SLC6A6: variants seen among roughly 807,000 people sequenced by gnomAD.
SLC6A6 encodes solute carrier family 6 member 6.
In SLC6A6, 16 loss-of-function variants were observed where a neutral mutation model predicts 68.8. The ratio of observed to expected loss-of-function variants is 0.23; its 90% CI spans 0.16 to 0.35. The LOEUF (loss-of-function observed/expected upper bound fraction) is 0.35, where lower values mean the gene tolerates loss of function less well. Among genes scored for constraint, SLC6A6 ranks in the 10% least tolerant of loss-of-function variants. The probability of loss-of-function intolerance (pLI) is 1.00; values close to 1 mark genes in which losing one functional copy is unlikely to be tolerated. For missense variants in SLC6A6, 474 were observed against 802.8 expected (o/e 0.59, Z 4.95); for synonymous variants, 312 against 315.4 (o/e 0.99, Z 0.12).
chr3:14,472,871 G>C lies in SLC6A6; in HGVS notation c.1209+554G>C, dbSNP rs1234084543. Among the ~76,000 whole-genome samples, 1 of 152,244 alleles carries C rather than the reference G, an allele frequency of 6.6e-6. No homozygotes were observed. The highest frequency in any genetic ancestry group is 1.9e-4 in the East Asian group (1 of 5,194). On this transcript the variant is annotated intron_variant, in intron 10 of 14. Transcript: ENST00000622186. The surrounding 1 kb of genome is among the most constrained non-coding windows in gnomAD (Gnocchi z 4.5). ...CTCCCTGGAGCGTGCGAGGGGCTGG[G>C]CATTGGCTCCCTCCCGTGCTTTATA...
At chr3:14,466,700 C>A (rs374302601) in intron 7 of SLC6A6, 50 bp downstream of exon 7, 1 of 1,556,578 alleles carries the variant, frequency 6.4e-7, no homozygotes, top group South Asian at 1.1e-5. Flanking sequence ...AGGGCTGGGC[C>A]GGCACAGGAC....
chr3:14,436,262 A>G (rs1051472689), intron 2 of SLC6A6, among the ~76,000 whole-genome samples: 3 of 152,128 alleles, frequency 2.0e-5, no homozygotes, highest in African/African-American at 7.2e-5. Flanking sequence ...GTGAGGTGGC[A>G]TGATCACAAC....
intron 5 of SLC6A6, among the ~76,000 whole-genome samples, chr3:14,455,367 T>C (rs893209549): frequency 2.6e-5 from 4 of 152,248 alleles, no homozygotes; most frequent in Admixed American, 6.5e-5. Flanking sequence ...TTAGATGAGC[T>C]GGCTGCAGGC....
chr3:14,478,809 A>C, intron 12 of SLC6A6: 1 of 591,508 alleles, frequency 1.7e-6, no homozygotes, highest in Non-Finnish European at 3.0e-6. Context: ...GACCTGGAAT[A>C]CTCCTTTTTT....
intron 2 of SLC6A6, among the ~76,000 whole-genome samples, chr3:14,438,055 GGCTGGTCTTGAACTCCTGACCTCAA>G (rs1699900423): frequency 6.8e-6 from 1 of 147,146 alleles, no homozygotes; most frequent in Non-Finnish European, 1.5e-5. Context: ...ATGTTGGCCA[GGCTGGTCTTGAACTCCTGACCTCAA>G]GTGATCTGCC....
At chr3:14,473,869 A>T (rs998612129) in intron 10 of SLC6A6, among the ~76,000 whole-genome samples, 2 of 152,206 alleles carry the variant, frequency 1.3e-5, no homozygotes, top group Non-Finnish European at 2.9e-5. Context: ...AAGGCATGAC[A>T]TCTTCATGGG....
intron 5 of SLC6A6, chr3:14,448,133 C>T (rs1174607353): frequency 7.9e-6 from 8 of 1,015,218 alleles, no homozygotes; most frequent in Non-Finnish European, 7.5e-6. Flanking sequence ...AAAAATGATA[C>T]AGTTTTCTTA....
chr3:14,409,860 G>T (rs1699203852), intron 1 of SLC6A6, among the ~76,000 whole-genome samples: 1 of 152,198 alleles, frequency 6.6e-6, no homozygotes, highest in East Asian at 1.9e-4. Context: ...CCCAAAGGAG[G>T]CACTTATCAA....
intron 2 of SLC6A6, among the ~76,000 whole-genome samples, chr3:14,440,335 G>A (rs140096561): frequency 8.9e-4 from 135 of 152,138 alleles, no homozygotes; most frequent in African/African-American, 3.2e-3. Context: ...GGGAGCCAGG[G>A]GGCTTTTTAT....
rs1701153281 is a variant in SLC6A6, at chr3:14,486,087, G to A, written c.*1080G>A. ...TGCAGGAATGAAGCATGACATACCT[G>A]TTGAGGGACTAGGGGAGTGGTGGGG... On this transcript the variant is annotated 3_prime_UTR_variant, in exon 15 of 15. Coordinates refer to ENST00000622186, the MANE Select transcript of SLC6A6 (RefSeq NM_003043.6). The A allele has an allele frequency of 6.5e-6, 1 of 152,730 alleles. No individual in the cohort carries two copies. The highest frequency in any genetic ancestry group is 6.5e-5 in the Admixed American group (1 of 15,296). The allele number at this position is 152,730 out of a possible 1,614,324, so 9.5% of individuals were successfully genotyped here. A position where few individuals can be genotyped will look rare whatever the true frequency, so the allele number is the denominator to read the frequency against.
rs190503783 is a variant in SLC6A6, at chr3:14,417,380, T to C, written c.-12+927T>C. 1.5e-4 allele frequency among the ~76,000 whole-genome samples: 23 copies of C among 152,242 alleles called. 1 individual carries two copies. The highest frequency in any genetic ancestry group is 1.5e-3 in the Admixed American group (23 of 15,300). On this transcript the variant is annotated intron_variant, in intron 2 of 14. Transcript: ENST00000622186. ...ACATTCTTCCATTTTTGCTGAATCA[T>C]TGGGGAGTAAATTGCAGGCATGATG...
At chr3:14,479,961 T>C (rs554636880) in intron 13 of SLC6A6, among the ~76,000 whole-genome samples, 1 of 152,198 alleles carries the variant, frequency 6.6e-6, no homozygotes, top group African/African-American at 2.4e-5. Flanking sequence ...TGGCCCAATA[T>C]TCCTTGGATT....
rs372143480 is a variant in SLC6A6, at chr3:14,456,584, A to G, written c.600-1366A>G. 1.1e-3 allele frequency among the ~76,000 whole-genome samples: 161 copies of G among 152,338 alleles called. 5 individuals carry two copies. The South Asian group carries it at 0.03, about 28-fold the overall frequency. On this transcript the variant is annotated intron_variant, in intron 5 of 14. Transcript: ENST00000622186. Reference sequence around the variant, plus strand: ...CTCTAAAAAAAATAAAATAAAAATGATAAAGGGTCTAGCCTGGTGTGTGTT... The same window carrying G: ...CTCTAAAAAAAATAAAATAAAAATGGTAAAGGGTCTAGCCTGGTGTGTGTT...
chr3:14,420,949 C>G (rs891345960), intron 2 of SLC6A6, among the ~76,000 whole-genome samples: 7 of 152,188 alleles, frequency 4.6e-5, no homozygotes, highest in African/African-American at 1.7e-4. Flanking sequence ...TTTGAGTGGG[C>G]GTCTTTACAC....
At position 14,479,134 on chromosome 3, in the gene SLC6A6, C is replaced by T. The variant is rs529451636; in HGVS notation, c.1500C>T (p.Pro500=). The T allele has an allele frequency of 2.9e-5, 47 of 1,613,618 alleles. 2 individuals are homozygous for T. The South Asian group carries it at 3.7e-4, about 13-fold the overall frequency. ...DGIEDMIGYR[P]GPWMKYSWAV... is the part of the protein sequence containing the mutation. ...TTGAGGACATGATTGGCTATCGGCCCGGGCCCTGGATGAAGTACAGCTGGG... is the reference window on the plus strand; with the variant it reads ...TTGAGGACATGATTGGCTATCGGCCTGGGCCCTGGATGAAGTACAGCTGGG... Residue 500 remains proline, a synonymous_variant, in exon 13 of 15, where the codon CCC becomes CCT. Transcript: ENST00000622186.
intron 6 of SLC6A6, 29 bp downstream of exon 6, chr3:14,458,111 C>T (rs1247385433): frequency 1.2e-6 from 2 of 1,608,722 alleles, no homozygotes; most frequent in East Asian, 2.2e-5. Context: ...CGTCCCCTGC[C>T]TCCTGGAGAG....
In SLC6A6 at chr3:14,443,618, C is replaced by G. The variant is rs761347120; in HGVS notation, c.-11-6C>G. 5.1e-6 allele frequency: 8 copies of G among 1,578,462 alleles called. No homozygotes were observed. In the South Asian group the frequency reaches 8.9e-5, roughly 18 times the overall value. On this transcript the variant is annotated splice_region_variant and splice_polypyrimidine_tract_variant and intron_variant, in intron 2 of 14. Transcript: ENST00000622186. ...CTGCAGGATGCTTCTCTTTTGTCCC[C>G]CATAGAAAGCAAGGAGATGGCCACC...
intron 10 of SLC6A6, among the ~76,000 whole-genome samples, chr3:14,476,405 G>A (rs147503487): frequency 7.8e-4 from 119 of 152,342 alleles, no homozygotes; most frequent in African/African-American, 2.4e-3. Flanking sequence ...AGATGGAAAG[G>A]TTTAGAAAGA....
At chr3:14,471,130 C>CTTTTTTTTTTTTTTTTTTTTTTTCT (rs754511089) in intron 9 of SLC6A6, among the ~76,000 whole-genome samples, 2 of 83,124 alleles carry the variant, frequency 2.4e-5, no homozygotes, top group Non-Finnish European at 4.5e-5. Context: ...TGCTTCTTGA[C>CTTTTTTTTTTTTTTTTTTTTTTTCT]TTTTTTTTTT....
Sources: allele counts gnomAD v4.1 joint callset (sites outside exome capture counted in the v4.1 genomes callset), GRCh38; gene constraint gnomAD v4.1.1; non-coding constraint Gnocchi (gnomAD v3.1); transcripts MANE v1.5; gene names NCBI Gene and HGNC (gene_info 2026-07-23, HGNC 2026-07-21).